CACNA2D3: variants seen among roughly 807,000 people sequenced by gnomAD.
CACNA2D3 encodes the protein calcium voltage-gated channel auxiliary subunit alpha2delta 3, also known as voltage-dependent calcium channel subunit alpha-2/delta-3.
A neutral mutation model predicts 160.6 loss-of-function variants in CACNA2D3; 60 were observed. The ratio of observed to expected loss-of-function variants is 0.37; its 90% CI spans 0.30 to 0.46. The LOEUF is 0.46. CACNA2D3 is among the 20% of genes least tolerant of loss of function. The probability of loss-of-function intolerance (pLI) is 1.00; values close to 1 mark genes in which losing one functional copy is unlikely to be tolerated. For synonymous variants in CACNA2D3, 558 were observed against 492.9 expected (o/e 1.13, Z -1.75); for missense variants, 1,205 against 1,365.0 (o/e 0.88, Z 1.85).
chr3:54,297,611 A>C (rs1315407221), intron 2 of CACNA2D3, among the ~76,000 whole-genome samples: 1 of 151,928 alleles, frequency 6.6e-6, no homozygotes, highest in African/African-American at 2.4e-5. Context: ...TATGGTGGCA[A>C]GTAACTTTGA....
At chr3:54,724,839 G>T (rs576835932) in intron 11 of CACNA2D3, among the ~76,000 whole-genome samples, 1 of 152,042 alleles carries the variant, frequency 6.6e-6, no homozygotes, top group East Asian at 1.9e-4. Context: ...AAATTGACAC[G>T]CTAATATCAA....
intron 11 of CACNA2D3, among the ~76,000 whole-genome samples, chr3:54,730,436 G>C (rs1181849536): frequency 6.6e-6 from 1 of 152,198 alleles, no homozygotes; most frequent in Non-Finnish European, 1.5e-5. Context: ...TAATGGAAAT[G>C]GTCACTTTGG....
At chr3:54,200,778 A>G (rs1249742703) in intron 2 of CACNA2D3, among the ~76,000 whole-genome samples, 1 of 152,242 alleles carries the variant, frequency 6.6e-6, no homozygotes, top group Admixed American at 6.5e-5. Flanking sequence ...AGGATTGAAT[A>G]GCTTTGAGAT....
intron 3 of CACNA2D3, among the ~76,000 whole-genome samples, chr3:54,329,029 C>T (rs1485681588): frequency 6.6e-6 from 1 of 152,164 alleles, no homozygotes; most frequent in African/African-American, 2.4e-5. Context: ...CCCCTCTCAC[C>T]GGGAAGGGGT....
intron 11 of CACNA2D3, among the ~76,000 whole-genome samples, chr3:54,647,603 G>A (rs527778506): frequency 6.6e-6 from 1 of 152,278 alleles, no homozygotes; most frequent in East Asian, 1.9e-4. Flanking sequence ...TGTAGCAGCT[G>A]GGTTCCAAGA....
At chr3:54,376,628 T>C (rs955285776) in intron 3 of CACNA2D3, among the ~76,000 whole-genome samples, 1 of 152,198 alleles carries the variant, frequency 6.6e-6, no homozygotes, top group African/African-American at 2.4e-5. Flanking sequence ...CCAACTGAAC[T>C]GTGTGAGAGT....
chr3:54,618,259 T>A (rs1019307097), intron 9 of CACNA2D3, among the ~76,000 whole-genome samples: 31 of 151,208 alleles, frequency 2.1e-4, no homozygotes, highest in African/African-American at 7.0e-4. Flanking sequence ...TACAAAGATG[T>A]TTACTATAGT....
intron 35 of CACNA2D3, among the ~76,000 whole-genome samples, chr3:55,061,619 A>G (rs1014886890): frequency 2.6e-5 from 4 of 152,206 alleles, no homozygotes; most frequent in Non-Finnish European, 4.4e-5. Flanking sequence ...GGTTTTCTCT[A>G]TGCATTTCCC....
intron 27 of CACNA2D3, among the ~76,000 whole-genome samples, chr3:54,910,124 G>A (rs1700526315): frequency 6.6e-6 from 1 of 152,100 alleles, no homozygotes; most frequent in South Asian, 2.1e-4. Flanking sequence ...TGAATGTCAT[G>A]GTCACCTCAA....
In CACNA2D3 at chr3:54,585,783, C is replaced by T. The variant is rs373945181; in HGVS notation, c.963+3906C>T. Among the ~76,000 whole-genome samples, 4 of 152,242 alleles carry T rather than the reference C, an allele frequency of 2.6e-5. No homozygotes were observed. In the East Asian group the frequency reaches 5.8e-4, roughly 22 times the overall value. ...GATTCAGTTACCTCCCACTGGGTCC[C>T]TCCAATGACACATGGGGATTATGGG... On this transcript the variant is annotated intron_variant, in intron 9 of 37. Coordinates refer to ENST00000474759, the MANE Select transcript of CACNA2D3 (RefSeq NM_018398.3).
rs138781231 is a variant in CACNA2D3 at position 54,347,466 on chromosome 3, C to T, written c.321+26908C>T. ...CTGCCTTATTAATAAGTTCTTTAGA[C>T]GGCAACTTAAGATGATGCCTCAGCT... is the stretch of plus-strand genomic sequence containing the variant. On this transcript the variant is annotated intron_variant, in intron 3 of 37. Coordinates refer to ENST00000474759, the MANE Select transcript of CACNA2D3 (RefSeq NM_018398.3). Among the ~76,000 whole-genome samples, 212 of 152,236 alleles carry T rather than the reference C, an allele frequency of 1.4e-3. 1 individual carries two copies. Among genetic ancestry groups the T allele is most frequent in the African/African-American group, 4.5e-3 (188 of 41,548 alleles).
chr3:54,674,439 A>C (rs1700206265), intron 11 of CACNA2D3, among the ~76,000 whole-genome samples: 1 of 152,132 alleles, frequency 6.6e-6, no homozygotes, highest in Non-Finnish European at 1.5e-5. Flanking sequence ...GAGAGTTGGG[A>C]AGATAATTGA....
intron 11 of CACNA2D3, among the ~76,000 whole-genome samples, chr3:54,750,643 C>T (rs1160070166): frequency 6.6e-6 from 1 of 152,174 alleles, no homozygotes; most frequent in Non-Finnish European, 1.5e-5. Flanking sequence ...AACTGGGCCT[C>T]AGTTTCTCCC....
At chr3:54,478,400 AG>A (rs931540283) in intron 4 of CACNA2D3, among the ~76,000 whole-genome samples, 1 of 151,886 alleles carries the variant, frequency 6.6e-6, no homozygotes, top group Non-Finnish European at 1.5e-5. Flanking sequence ...TGAGAGGCCA[AG>A]GCGGGAAGAT....
In CACNA2D3 at chr3:54,454,717, G is replaced by A. The variant is rs183303311; in HGVS notation, c.382-48775G>A. ...ACTTATTCCTACTATATGGTTGTAT[G>A]TTTGTATCCATTAACCAACCTTTGG... On this transcript the variant is annotated intron_variant, in intron 4 of 37. Coordinates refer to ENST00000474759, the MANE Select transcript of CACNA2D3 (RefSeq NM_018398.3). Among the ~76,000 whole-genome samples, 411 of 152,038 alleles carry A rather than the reference G, an allele frequency of 2.7e-3. 1 individual carries two copies. Among genetic ancestry groups the A allele is most frequent in the Non-Finnish European group, 3.9e-3 (263 of 67,960 alleles).
chr3:54,311,164 G>A (rs1337454954), intron 2 of CACNA2D3, among the ~76,000 whole-genome samples: 1 of 152,196 alleles, frequency 6.6e-6, no homozygotes, highest in Non-Finnish European at 1.5e-5. Context: ...GCCCATCGTG[G>A]TCAGCTATCT....
intron 35 of CACNA2D3, 76 bp from the exon 36 acceptor site, chr3:55,073,369 C>G (rs1021838572): frequency 9.2e-7 from 1 of 1,082,702 alleles, no homozygotes; most frequent in African/African-American, 1.5e-5. Flanking sequence ...TGCTACCACC[C>G]AGGAGAGAAG....
At chr3:54,732,049 C>T (rs1240443825) in intron 11 of CACNA2D3, among the ~76,000 whole-genome samples, 1 of 152,178 alleles carries the variant, frequency 6.6e-6, no homozygotes, top group East Asian at 1.9e-4. Context: ...TGTCCTCATT[C>T]TGTTTTTTAA....
intron 4 of CACNA2D3, among the ~76,000 whole-genome samples, chr3:54,403,104 T>C (rs1048815698): frequency 6.6e-6 from 1 of 152,072 alleles, no homozygotes; most frequent in Non-Finnish European, 1.5e-5. Context: ...CTCACACCTA[T>C]AATCCCAGCA....
Sources: gnomAD v4.1 joint callset for allele counts (sites outside exome capture counted in the v4.1 genomes callset) on GRCh38, gnomAD v4.1.1 for gene constraint, MANE v1.5 for transcripts, NCBI Gene and HGNC (gene_info 2026-07-23, HGNC 2026-07-21) for gene names.